PRORP: variants seen among roughly 807,000 people sequenced by gnomAD.
PRORP encodes mitochondrial ribonuclease P catalytic subunit.
A neutral mutation model predicts 59.4 loss-of-function variants in PRORP; 51 were observed. The ratio of observed to expected loss-of-function variants is 0.86; its 90% CI spans 0.69 to 1.08. The LOEUF is 1.08. PRORP is among the 50% of genes least tolerant of loss of function. PRORP has a pLI of 0.00. For synonymous variants in PRORP, 231 were observed against 245.6 expected (o/e 0.94, Z 0.55); for missense variants, 646 against 690.3 (o/e 0.94, Z 0.72).
At chr14:35,160,738 GTCTT>G (rs974122103) in intron 4 of PRORP, among the ~76,000 whole-genome samples, 1 of 152,106 alleles carries the variant, frequency 6.6e-6, no homozygotes, top group Non-Finnish European at 1.5e-5. Flanking sequence ...CATTAATTTG[GTCTT>G]TCTGTCTGCA....
intron 5 of PRORP, among the ~76,000 whole-genome samples, chr14:35,228,357 A>C (rs1444201555): frequency 6.6e-6 from 1 of 152,176 alleles, no homozygotes; most frequent in African/African-American, 2.4e-5. Context: ...TGTTACACAG[A>C]TATATTGCAC....
chr14:35,158,892 T>C (rs2138937991), intron 4 of PRORP: 1 of 303,254 alleles, frequency 3.3e-6, no homozygotes, highest in Non-Finnish European at 6.4e-6. Flanking sequence ...ATGAGTTGAT[T>C]AATGTTGTCT....
intron 5 of PRORP, chr14:35,235,357 C>G (rs2050184167): frequency 1.0e-5 from 7 of 702,968 alleles, no homozygotes; most frequent in Non-Finnish European, 2.6e-6. Flanking sequence ...CCGAGTTAAC[C>G]TGTGTAAAGT....
At chr14:35,170,585 A>G (rs979872907) in intron 4 of PRORP, among the ~76,000 whole-genome samples, 2 of 152,110 alleles carry the variant, frequency 1.3e-5, no homozygotes, top group Non-Finnish European at 2.9e-5. Flanking sequence ...TCTTTGTGCT[A>G]TTGTTTTATT....
chr14:35,179,630 G>A (rs1195524212), intron 4 of PRORP, among the ~76,000 whole-genome samples: 1 of 150,328 alleles, frequency 6.7e-6, no homozygotes, highest in Non-Finnish European at 1.5e-5. Flanking sequence ...ATTCTAGTTA[G>A]CCATTCATCT....
intron 4 of PRORP, among the ~76,000 whole-genome samples, chr14:35,140,627 C>T (rs975559283): frequency 2.1e-5 from 3 of 145,252 alleles, no homozygotes; most frequent in African/African-American, 7.3e-5. Context: ...TTCTGTCAGT[C>T]TGTGGTTGAC....
chr14:35,154,815 A>G (rs924682998), intron 4 of PRORP, among the ~76,000 whole-genome samples: 1 of 152,196 alleles, frequency 6.6e-6, no homozygotes, highest in African/African-American at 2.4e-5. Context: ...TTGAACAATC[A>G]GAGGAATCTG....
At chr14:35,206,597 C>A (rs563689096) in intron 5 of PRORP, among the ~76,000 whole-genome samples, 4 of 152,274 alleles carry the variant, frequency 2.6e-5, no homozygotes, top group African/African-American at 7.2e-5. Flanking sequence ...TCACTTCTAA[C>A]CTGAAATCAT....
intron 5 of PRORP, among the ~76,000 whole-genome samples, chr14:35,259,134 G>A (rs779421911): frequency 6.6e-6 from 1 of 152,142 alleles, no homozygotes; most frequent in Non-Finnish European, 1.5e-5. Context: ...TTGCAGCTCT[G>A]TTGTTTGGTA....
chr14:35,228,905 A>G (rs1305151502), intron 5 of PRORP, among the ~76,000 whole-genome samples: 1 of 152,196 alleles, frequency 6.6e-6, no homozygotes, highest in East Asian at 1.9e-4. Context: ...ACCAATCTAT[A>G]TTCCCACCAA....
intron 4 of PRORP, among the ~76,000 whole-genome samples, chr14:35,134,881 G>T (rs1293949646): frequency 2.0e-5 from 3 of 152,176 alleles, no homozygotes; most frequent in Non-Finnish European, 4.4e-5. Flanking sequence ...TTGTGGCTTA[G>T]ACTGCCTTTC....
intron 7 of PRORP, among the ~76,000 whole-genome samples, chr14:35,271,832 C>T (rs571555578): frequency 3.4e-4 from 52 of 152,266 alleles, no homozygotes; most frequent in African/African-American, 1.2e-3. Flanking sequence ...GAAGACCAGC[C>T]TAGCCAACAT....
intron 7 of PRORP, among the ~76,000 whole-genome samples, chr14:35,272,140 G>T (rs1306891179): frequency 6.6e-6 from 1 of 152,088 alleles, no homozygotes; most frequent in Non-Finnish European, 1.5e-5. Flanking sequence ...TAATAACAAT[G>T]TGTTGTATCA....
chr14:35,249,875 T>C (rs2050571410), intron 5 of PRORP, among the ~76,000 whole-genome samples: 1 of 152,234 alleles, frequency 6.6e-6, no homozygotes, highest in African/African-American at 2.4e-5. Context: ...ACTATAGCTA[T>C]GTGAATGTGT....
At chr14:35,129,672 G>C (rs1363721779) in intron 4 of PRORP, among the ~76,000 whole-genome samples, 1 of 151,664 alleles carries the variant, frequency 6.6e-6, no homozygotes, top group Non-Finnish European at 1.5e-5. Flanking sequence ...GTACAGACAG[G>C]GTTTCACCAT....
At chr14:35,198,395 A>G (rs1210077809) in intron 5 of PRORP, among the ~76,000 whole-genome samples, 2 of 152,224 alleles carry the variant, frequency 1.3e-5, no homozygotes, top group Admixed American at 6.5e-5. Context: ...TCAGGAGAAC[A>G]GTGGGTGAGC....
At chr14:35,237,431 C>A (rs2138525526) in intron 5 of PRORP, among the ~76,000 whole-genome samples, 1 of 151,586 alleles carries the variant, frequency 6.6e-6, no homozygotes, top group African/African-American at 2.4e-5. Context: ...CTTCTTTTAC[C>A]ATATCTTTCT....
chr14:35,132,678 T>G (rs1018394121), intron 4 of PRORP, among the ~76,000 whole-genome samples: 2 of 149,684 alleles, frequency 1.3e-5, no homozygotes, highest in African/African-American at 4.9e-5. Context: ...TCCTACCTAC[T>G]CGGGAGGCTG....
chr14:35,148,268 T>C (rs1048913222), intron 4 of PRORP, among the ~76,000 whole-genome samples: 2 of 152,230 alleles, frequency 1.3e-5, no homozygotes, highest in Admixed American at 6.5e-5. Context: ...ATAATAAGAC[T>C]AGAAAGTCGA....
Sources: allele counts gnomAD v4.1 joint callset (sites outside exome capture counted in the v4.1 genomes callset), GRCh38; gene constraint gnomAD v4.1.1; transcripts MANE v1.5; gene names NCBI Gene and HGNC (gene_info 2026-07-23, HGNC 2026-07-21).